Variants in PAFAH2 observed in about 807,000 individuals in gnomAD.
PAFAH2 encodes platelet activating factor acetylhydrolase 2.
Under a neutral mutation model 49.0 loss-of-function variants are expected in PAFAH2, and 42 were observed. The observed-to-expected ratio is 0.86, with a 90% CI of 0.67 to 1.11. PAFAH2 has a LOEUF of 1.11. Ranked by LOEUF, PAFAH2 falls within the 50% of genes least tolerant of loss-of-function variation. The probability of loss-of-function intolerance (pLI) is 0.00; values close to 1 mark genes in which losing one functional copy is unlikely to be tolerated. For synonymous variants in PAFAH2, 184 were observed against 181.3 expected, an observed-to-expected ratio of 1.01 and a Z score of -0.12; for missense variants, 503 against 501.8, an observed-to-expected ratio of 1.00 and a Z score of -0.02.
At chr1:25,985,732 G>A (rs1212901392) in intron 4 of PAFAH2, among the ~76,000 whole-genome samples, 1 of 152,234 alleles carries the variant, frequency 6.6e-6, no homozygotes, top group Non-Finnish European at 1.5e-5. Flanking sequence ...CAAGAAAGCA[G>A]CATCAAAAAC....
At position 25,982,520 on chromosome 1, in the gene PAFAH2, C is replaced by T. The variant is rs778690197; in HGVS notation, c.553-43G>A. 6 of 1,426,618 alleles carry T rather than the reference C, an allele frequency of 4.2e-6. No homozygotes were observed. The South Asian group carries it at 4.6e-5, about 11-fold the overall frequency. The allele number at this position is 1,426,618 out of a possible 1,614,324, so 88.4% of individuals were successfully genotyped here. A position where few individuals can be genotyped will look rare whatever the true frequency, so the allele number is the denominator to read the frequency against. ...CCAGTGGGACTGGAACACTCCACAA[C>T]TGTCCAGCGAGAATCTCCCTCACGT... On this transcript the variant is annotated intron_variant, in intron 6 of 10. Coordinates refer to ENST00000374282, the MANE Select transcript of PAFAH2 (RefSeq NM_000437.4).
rs374151779 is a variant in PAFAH2 at position 25,982,473 on chromosome 1, T to C, written c.557A>G (p.His186Arg). The C allele has an allele frequency of 4.2e-5, 68 of 1,612,280 alleles. No individual in the cohort carries two copies. The highest frequency in any genetic ancestry group is 5.7e-5 in the Non-Finnish European group (67 of 1,178,492). ...CCGTAAACACTCGCTTACCCGCTGA[T>C]GCACCTGCAACAGAGACAGTCCCAG... ...KEFHVRNPQV[H>R]QRVSECLRVL... Residue 186 changes from histidine (H) to arginine (R), a missense_variant, in exon 7 of 11, where the codon CAT (histidine) becomes CGT (arginine). Transcript: ENST00000374282.
chr1:25,995,440 T>C (rs1260808392), intron 1 of PAFAH2, among the ~76,000 whole-genome samples: 2 of 152,226 alleles, frequency 1.3e-5, no homozygotes, highest in African/African-American at 2.4e-5. Context: ...CTATTTCTAG[T>C]GATCAATTCG....
chr1:25,984,241 T>C, intron 5 of PAFAH2, 154 bp from the exon 6 acceptor site: 1 of 919,352 alleles, frequency 1.1e-6, no homozygotes, highest in Non-Finnish European at 1.7e-6. Flanking sequence ...GTGGAAAAAA[T>C]ACAGATTTTA....
chr1:25,990,082 G>A (rs2049850807), intron 2 of PAFAH2, among the ~76,000 whole-genome samples: 1 of 152,064 alleles, frequency 6.6e-6, no homozygotes, highest in African/African-American at 2.4e-5. Flanking sequence ...AAGGGAGACA[G>A]GAAGTCCAAG....
At chr1:25,983,277 A>G (rs1433127895) in intron 6 of PAFAH2, among the ~76,000 whole-genome samples, 1 of 152,090 alleles carries the variant, frequency 6.6e-6, no homozygotes, top group Non-Finnish European at 1.5e-5. Context: ...CCAGCTACTC[A>G]GGAGGCTGAG....
At chr1:25,984,686 A>G (rs1351137150) in intron 4 of PAFAH2, among the ~76,000 whole-genome samples, 158 bp from the exon 5 acceptor site, 2 of 152,192 alleles carry the variant, frequency 1.3e-5, no homozygotes, top group Non-Finnish European at 2.9e-5. Context: ...AGAAATAAAC[A>G]TTACCATATT....
At chr1:25,994,804 A>G (rs956874807) in intron 1 of PAFAH2, among the ~76,000 whole-genome samples, 3 of 152,190 alleles carry the variant, frequency 2.0e-5, no homozygotes, top group Non-Finnish European at 4.4e-5. Flanking sequence ...GAAATGGCCA[A>G]ACAGAAGACA....
chr1:25,962,940 T>A (rs2049360956), intron 10 of PAFAH2, among the ~76,000 whole-genome samples: 1 of 151,614 alleles, frequency 6.6e-6, no homozygotes, highest in South Asian at 2.1e-4. Context: ...ACCACTTCAG[T>A]GAAGGGCAGG....
chr1:25,986,553 C>A (rs1347895304), intron 4 of PAFAH2, among the ~76,000 whole-genome samples: 1 of 151,954 alleles, frequency 6.6e-6, no homozygotes, highest in Non-Finnish European at 1.5e-5. Context: ...TTCTGAGATG[C>A]AGTTTTGTTC....
intron 10 of PAFAH2, among the ~76,000 whole-genome samples, chr1:25,965,817 C>CAA (rs56272061): frequency 1.7e-4 from 3 of 17,386 alleles, no homozygotes; most frequent in African/African-American, 5.2e-4. Context: ...GACTTTGTCT[C>CAA]AAAAAAAAAA....
chr1:25,984,418 A>C, intron 5 of PAFAH2, 42 bp downstream of exon 5: 1 of 1,453,024 alleles, frequency 6.9e-7, no homozygotes, highest in Non-Finnish European at 9.7e-7. Flanking sequence ...CCTATATCCT[A>C]GCTCACTGCA....
intron 3 of PAFAH2, among the ~76,000 whole-genome samples, chr1:25,989,177 AAG>A (rs1204651929): frequency 2.0e-5 from 3 of 152,210 alleles, no homozygotes; most frequent in Non-Finnish European, 4.4e-5. Context: ...CAAACCCCCA[AAG>A]ACATGTATTT....
intron 10 of PAFAH2, among the ~76,000 whole-genome samples, chr1:25,966,756 C>T (rs1471300140): frequency 6.6e-6 from 1 of 152,014 alleles, no homozygotes; most frequent in African/African-American, 2.4e-5. Flanking sequence ...TGCACTTGTA[C>T]CCCCTACATC....
Position 25,983,974 on chromosome 1 carries a change from T to C in PAFAH2, c.524A>G (p.Glu175Gly), listed in dbSNP as rs1425297623. 6.2e-7 allele frequency: 1 copy of C among 1,613,992 alleles called. No homozygotes were observed. Among genetic ancestry groups the C allele is most frequent in the Non-Finnish European group, 8.5e-7 (1 of 1,180,018 alleles). Residue 175 changes from glutamate to glycine, a missense_variant, in exon 6 of 11, where the codon GAG becomes GGG. Glu to Gly is a moderately conservative substitution (Grantham distance 98). Coordinates refer to ENST00000374282, the MANE Select transcript of PAFAH2 (RefSeq NM_000437.4). ...GGGATTCCGAACATGAAATTCCTTC[T>C]CCCCTTCCTCAACTCGACGGAAAGG... ...WIPFRRVEEGEKEFHVRNPQV... is the reference protein window; with the variant it reads ...WIPFRRVEEGGKEFHVRNPQV...
intron 10 of PAFAH2, among the ~76,000 whole-genome samples, chr1:25,966,905 G>A (rs971423070): frequency 1.2e-4 from 18 of 151,744 alleles, no homozygotes; most frequent in East Asian, 1.9e-4. Context: ...GGTGGTGGGC[G>A]CCTGTAGTCC....
In PAFAH2 at chr1:25,982,357, T is replaced by A. The variant is rs756528364; in HGVS notation, c.666+7A>T. 1 of 1,604,894 alleles carries A rather than the reference T, an allele frequency of 6.2e-7. No homozygotes were observed. Among genetic ancestry groups the A allele is most frequent in the East Asian group, 2.2e-5 (1 of 44,856 alleles). On this transcript the variant is annotated splice_region_variant and intron_variant, in intron 7 of 10. Transcript: ENST00000374282. ...TGGGCTCTAGGTCATACCAATTGCT[T>A]CCATACCTTCAAAGTCATCAGATCC...
chr1:25,963,890 C>T (rs1049033435), intron 10 of PAFAH2, among the ~76,000 whole-genome samples: 1 of 152,056 alleles, frequency 6.6e-6, no homozygotes, highest in South Asian at 2.1e-4. Flanking sequence ...GAGTGTGCCA[C>T]GAGACTATCT....
Position 25,982,404 on chromosome 1 carries a change from A to C in PAFAH2, c.626T>G (p.Phe209Cys). 1 of 1,614,158 alleles carries C rather than the reference A, an allele frequency of 6.2e-7. No homozygotes were observed. The highest frequency in any genetic ancestry group is 8.5e-7 in the Non-Finnish European group (1 of 1,180,004). ...LQEVTAGQTV[F>C]NILPGGLDLM... is the part of the protein sequence containing the mutation. ...ATCCAAGCCACCAGGCAAGATGTTG[A>C]AGACAGTCTGCCCAGCAGTGACCTC... is the stretch of plus-strand genomic sequence containing the variant. The change falls in exon 7 of 11, where the codon TTC becomes TGC. Residue 209 changes from phenylalanine to cysteine, a missense_variant. By Grantham distance (205) the Phe-to-Cys change is radical. Coordinates refer to ENST00000374282, the MANE Select transcript of PAFAH2 (RefSeq NM_000437.4).
Sources: gnomAD v4.1 joint callset for allele counts (sites outside exome capture counted in the v4.1 genomes callset) on GRCh38, gnomAD v4.1.1 for gene constraint, MANE v1.5 for transcripts, NCBI Gene and HGNC (gene_info 2026-07-23, HGNC 2026-07-21) for gene names.